The following TMEM53 variants were observed in gnomAD, a reference collection of about 807,000 sequenced individuals.
TMEM53 encodes the protein novel DUF829 domain-containing protein.
Under a neutral mutation model 21.4 loss-of-function variants are expected in TMEM53, and 14 were observed. The ratio of observed to expected loss-of-function variants is 0.65; its 90% CI spans 0.43 to 1.02. TMEM53 has a LOEUF of 1.02. Ranked by LOEUF, TMEM53 falls within the 50% of genes least tolerant of loss-of-function variation. The pLI is 0.00. For missense variants in TMEM53, 323 were observed against 383.6 expected, an observed-to-expected ratio of 0.84 and a Z score of 1.32; for synonymous variants, 148 against 157.4, an observed-to-expected ratio of 0.94 and a Z score of 0.45.
In TMEM53 at chr1:44,674,418, G is replaced by A. The variant is rs781468748; in HGVS notation, c.-27C>T. ...GTGAAGGCGCCGGCCCAGAGCACGG[G>A]TCTCCAGCCGGAACTCCCGCTTGCG... is the stretch of plus-strand genomic sequence containing the variant. On this transcript the variant is annotated 5_prime_UTR_variant, in exon 1 of 3. Coordinates refer to ENST00000372237, the MANE Select transcript of TMEM53 (RefSeq NM_024587.4). The A allele has an allele frequency of 5.0e-6, 8 of 1,594,276 alleles. No homozygotes were observed. The highest frequency in any genetic ancestry group is 1.4e-5 in the African/African-American group (1 of 74,012).
In TMEM53 at chr1:44,654,684, C is replaced by A; in HGVS notation, c.709G>T (p.Ala237Ser). 6.2e-7 allele frequency: 1 copy of A among 1,614,134 alleles called. No individual in the cohort carries two copies. The stretch of plus-strand genomic sequence containing the variant: ...ACAGAACGCGCCAGGACCCGGCGTG[C>A]CAGGCGTGCCTCCACCATGCGTTCT... Reference protein sequence around the residue: ...DIERMVEARLARRVLARSVDF... With the variant: ...DIERMVEARLSRRVLARSVDF... The change falls in exon 3 of 3, where the codon GCA becomes TCA. Residue 237 changes from alanine to serine, a missense_variant. Transcript: ENST00000372237. The surrounding 1 kb of genome is among the most constrained non-coding windows in gnomAD (Gnocchi z 7.0).
intron 2 of TMEM53, among the ~76,000 whole-genome samples, chr1:44,658,632 C>A (rs975097603): frequency 5.3e-5 from 8 of 152,120 alleles, no homozygotes; most frequent in African/African-American, 1.9e-4. Context: ...CTCACTGCAA[C>A]CTCCACCTCC....
chr1:44,671,447 C>T lies in TMEM53; in HGVS notation c.61+2884G>A, dbSNP rs140135656. Reference sequence around the variant, plus strand: ...ACAGCAGTGATGGGCTCTGTGGTTTCGATTTTTCAAATACAGGGGAAAAGT... The same window carrying T: ...ACAGCAGTGATGGGCTCTGTGGTTTTGATTTTTCAAATACAGGGGAAAAGT... On this transcript the variant is annotated intron_variant, in intron 1 of 2. Transcript: ENST00000372237. Among the ~76,000 whole-genome samples, 1,088 of 152,240 alleles carry T rather than the reference C, an allele frequency of 7.1e-3. 40 individuals are homozygous for T. The highest frequency in any genetic ancestry group is 0.064 in the Admixed American group (975 of 15,288).
chr1:44,654,581 A>C lies in TMEM53; in HGVS notation c.812T>G (p.Met271Arg). The C allele has an allele frequency of 1.2e-6, 2 of 1,607,240 alleles. No individual in the cohort carries two copies. The highest frequency in any genetic ancestry group is 1.7e-6 in the Non-Finnish European group (2 of 1,174,224). The change falls in exon 3 of 3, where the codon ATG becomes AGG. Residue 271 changes from methionine (M) to arginine (R), a missense_variant. Around this residue, in one of 3 missense-constraint regions of TMEM53, gnomAD observed 269 missense variants for 334.5 expected, o/e 0.80. Coordinates refer to ENST00000372237, the MANE Select transcript of TMEM53 (RefSeq NM_024587.4). The surrounding 1 kb of genome is among the most constrained non-coding windows in gnomAD (Gnocchi z 7.0). Reference sequence around the variant, plus strand: ...GCCTCAGCAGCGGACGCAGTTGCGCATGAAGTCGACACAGAGGCTTGTGTA... The same window carrying C: ...GCCTCAGCAGCGGACGCAGTTGCGCCTGAAGTCGACACAGAGGCTTGTGTA... ...TYYTSLCVDF[M>R]RNCVRC is the part of the protein sequence containing the mutation.
rs1243843880 is a variant in TMEM53 at position 44,669,680 on chromosome 1, T to C, written c.61+4651A>G. Among the ~76,000 whole-genome samples the C allele has an allele frequency of 3.0e-4, 45 of 152,006 alleles. 1 individual carries two copies. The highest frequency in any genetic ancestry group is 2.9e-3 in the Admixed American group (45 of 15,260). The stretch of plus-strand genomic sequence containing the variant: ...CATGTGGATAGAACATGGTTAACAG[T>C]GTTAAGTACCACAGACATTCAGAGA... On this transcript the variant is annotated intron_variant, in intron 1 of 2. Transcript: ENST00000372237.
At chr1:44,672,930 G>T (rs1645021161) in intron 1 of TMEM53, among the ~76,000 whole-genome samples, 1 of 152,194 alleles carries the variant, frequency 6.6e-6, no homozygotes, top group East Asian at 1.9e-4. Context: ...TCACAGTGGA[G>T]GAATCTCAGG....
intron 1 of TMEM53, among the ~76,000 whole-genome samples, chr1:44,667,089 C>A (rs1273487246): frequency 1.4e-4 from 21 of 151,972 alleles, no homozygotes; most frequent in Admixed American, 1.4e-3. Context: ...GCAATCCTCC[C>A]ACCTTAGCCT....
rs946001302 is a variant in TMEM53 at position 44,655,977 on chromosome 1, G to A, written c.184-768C>T. 7.2e-5 allele frequency among the ~76,000 whole-genome samples: 11 copies of A among 152,004 alleles called. No individual in the cohort carries two copies. The highest frequency in any genetic ancestry group is 1.3e-4 in the Admixed American group (2 of 15,268). ...CCCTCTAGGTTTCTATATTCCTCAC[G>A]CTTGGGCCAAGGGTGCCACAATCTC... On this transcript the variant is annotated intron_variant, in intron 2 of 2. Coordinates refer to ENST00000372237, the MANE Select transcript of TMEM53 (RefSeq NM_024587.4). This position sits in a 1 kb window ranked among gnomAD's most constrained non-coding sequence, Gnocchi z 4.4.
chr1:44,660,237 G>A lies in TMEM53; in HGVS notation c.120C>T (p.Leu40=), dbSNP rs1644888303. Residue 40 remains leucine, a synonymous_variant, in exon 2 of 3, where the codon CTC becomes CTT. Transcript: ENST00000372237. ...EAETRQPVVI[L]LGWGGCKDKN... Reference sequence around the variant, plus strand: ...TGTCCTTGCAGCCACCCCAGCCCAAGAGAATCACCACAGGCTGCCGAGTTT... The same window carrying A: ...TGTCCTTGCAGCCACCCCAGCCCAAAAGAATCACCACAGGCTGCCGAGTTT... 6.2e-7 allele frequency: 1 copy of A among 1,614,124 alleles called. No homozygotes were observed. The highest frequency in any genetic ancestry group is 8.5e-7 in the Non-Finnish European group (1 of 1,180,016).
intron 1 of TMEM53, among the ~76,000 whole-genome samples, chr1:44,672,585 C>CTT (rs1645011458): frequency 1.3e-5 from 2 of 152,196 alleles, no homozygotes; most frequent in African/African-American, 4.8e-5. Flanking sequence ...AATGTTTGGG[C>CTT]AGAAGCATCG....
chr1:44,667,885 C>T (rs890040894), intron 1 of TMEM53, among the ~76,000 whole-genome samples: 4 of 152,112 alleles, frequency 2.6e-5, no homozygotes, highest in African/African-American at 9.7e-5. Flanking sequence ...GAGTACCCCA[C>T]AAAGCAATTT....
Position 44,654,904 on chromosome 1 carries a change from C to T in TMEM53, c.489G>A (p.Glu163=), listed in dbSNP as rs754689549. ...GALRALAAIL[E]RRAAMLRLLL... ...ACAGGCGCAGCATGGCGGCCCGGCG[C>T]TCCAGGATGGCTGCCAGGGCCCGCA... The change falls in exon 3 of 3, where the codon GAG becomes GAA. Residue 163 remains glutamate, a synonymous_variant. Coordinates refer to ENST00000372237, the MANE Select transcript of TMEM53 (RefSeq NM_024587.4). This position sits in a 1 kb window ranked among gnomAD's most constrained non-coding sequence, Gnocchi z 7.0. The T allele has an allele frequency of 1.9e-6, 3 of 1,612,538 alleles. No homozygotes were observed. The South Asian group carries it at 3.3e-5, about 18-fold the overall frequency.
At chr1:44,668,170 T>C (rs1430360561) in intron 1 of TMEM53, among the ~76,000 whole-genome samples, 1 of 152,072 alleles carries the variant, frequency 6.6e-6, no homozygotes, top group African/African-American at 2.4e-5. Flanking sequence ...TGGCCAGACT[T>C]GGTGGCTCAC....
chr1:44,659,547 A>G (rs1384901590), intron 2 of TMEM53, among the ~76,000 whole-genome samples: 5 of 152,242 alleles, frequency 3.3e-5, no homozygotes, highest in Admixed American at 6.5e-5. Context: ...GAAAGGTGCC[A>G]TGGGCAGTCA....
At chr1:44,666,621 G>C (rs1430660074) in intron 1 of TMEM53, among the ~76,000 whole-genome samples, 1 of 152,006 alleles carries the variant, frequency 6.6e-6, no homozygotes, top group African/African-American at 2.4e-5. Context: ...AGATACAAAG[G>C]GGCACATATT....
At chr1:44,660,592 C>T (rs1644892205) in intron 1 of TMEM53, among the ~76,000 whole-genome samples, 1 of 152,188 alleles carries the variant, frequency 6.6e-6, no homozygotes, top group Middle Eastern at 3.2e-3. Flanking sequence ...CTCTTCTGAT[C>T]CAGGGCTCAG....
chr1:44,660,435 G>T, intron 1 of TMEM53, 140 bp from the exon 2 acceptor site: 1 of 1,247,028 alleles, frequency 8.0e-7, no homozygotes, highest in Non-Finnish European at 1.1e-6. Context: ...CAGCACGCAT[G>T]CACCAGTTCC....
rs527393674 is a variant in TMEM53, at chr1:44,673,198, C to G, written c.61+1133G>C. 2.6e-5 allele frequency among the ~76,000 whole-genome samples: 4 copies of G among 152,214 alleles called. No individual in the cohort carries two copies. The East Asian group carries it at 7.7e-4, about 29-fold the overall frequency. ...CCAGTTCTAGGGAAAAACAGCTGGTCTGGGGCCATCTGTTCTGCGGGAGTC... is the reference window on the plus strand; with the variant it reads ...CCAGTTCTAGGGAAAAACAGCTGGTGTGGGGCCATCTGTTCTGCGGGAGTC... On this transcript the variant is annotated intron_variant, in intron 1 of 2. Transcript: ENST00000372237.
chr1:44,662,231 G>A (rs1000405029), intron 1 of TMEM53, among the ~76,000 whole-genome samples: 13 of 152,352 alleles, frequency 8.5e-5, no homozygotes, highest in South Asian at 2.1e-4. Flanking sequence ...TGCCCGCACC[G>A]GTGGGGGTCC....
Sources: allele counts gnomAD v4.1 joint callset (sites outside exome capture counted in the v4.1 genomes callset), GRCh38; gene constraint gnomAD v4.1.1; regional missense constraint gnomAD v4.1.1; non-coding constraint Gnocchi (gnomAD v3.1); transcripts MANE v1.5; gene names NCBI Gene and HGNC (gene_info 2026-07-23, HGNC 2026-07-21).